The following DNAH17 variants were observed in gnomAD, a reference collection of about 807,000 sequenced individuals.
DNAH17 encodes the protein axonemal beta dynein heavy chain 17.
In DNAH17, 376 loss-of-function variants were observed where a neutral mutation model predicts 485.6. The observed-to-expected ratio is 0.77, with a 90% CI of 0.71 to 0.84. DNAH17 has a LOEUF of 0.84. Ranked by LOEUF, DNAH17 falls within the 40% of genes least tolerant of loss-of-function variation. The pLI, the probability that DNAH17 is intolerant of heterozygous loss-of-function variation, is 0.00. For synonymous variants in DNAH17, 3,031 were observed against 2,405.9 expected, an observed-to-expected ratio of 1.26 and a Z score of -7.60; for missense variants, 6,370 against 5,839.3, an observed-to-expected ratio of 1.09 and a Z score of -2.96.
rs746900484 is a variant in DNAH17, at chr17:78,486,429, A to G, written c.6896T>C (p.Leu2299Pro). 2 of 1,613,648 alleles carry G rather than the reference A, an allele frequency of 1.2e-6. No homozygotes were observed. Among genetic ancestry groups the G allele is most frequent in the Admixed American group, 3.3e-5 (2 of 60,008 alleles). ...GCGCAACTTGTCCAGGCACGTGGGCAGGTACTTGTCAAAGAGGATCATCAG... is the reference window on the plus strand; with the variant it reads ...GCGCAACTTGTCCAGGCACGTGGGCGGGTACTTGTCAAAGAGGATCATCAG... ...ANLMILFDKY[L>P]PTCLDKLRFG... is the part of the protein sequence containing the mutation. Residue 2299 changes from leucine (L) to proline (P), a missense_variant, in exon 45 of 81, where the codon CTG becomes CCG. Transcript: ENST00000389840.
At chr17:78,468,039 AGAG>A (rs2088564172) in intron 55 of DNAH17, among the ~76,000 whole-genome samples, 1 of 143,060 alleles carries the variant, frequency 7.0e-6, no homozygotes, top group South Asian at 2.3e-4. Flanking sequence ...AAAAAGAGAG[AGAG>A]AGAGAGTATC....
chr17:78,507,814 G>A lies in DNAH17; in HGVS notation c.4237-9C>T, dbSNP rs778859606. 6.5e-7 allele frequency: 1 copy of A among 1,539,366 alleles called. No homozygotes were observed. The highest frequency in any genetic ancestry group is 8.7e-7 in the Non-Finnish European group (1 of 1,144,848). On this transcript the variant is annotated splice_polypyrimidine_tract_variant and intron_variant, in intron 27 of 80. Coordinates refer to ENST00000389840, the MANE Select transcript of DNAH17 (RefSeq NM_173628.4). Reference sequence around the variant, plus strand: ...TCCAGGGCTTTCAGCACCTTTTGGGGGAACAGAAAAATAAGGTCACTGAGC... The same window carrying A: ...TCCAGGGCTTTCAGCACCTTTTGGGAGAACAGAAAAATAAGGTCACTGAGC...
In DNAH17 at chr17:78,463,009, C is replaced by A. The variant is rs1483724805; in HGVS notation, c.9009G>T (p.Arg3003Ser). The stretch of plus-strand genomic sequence containing the variant: ...AGCGCCTCTCAGTAGCCAGGTATAC[C>A]CTGGACATCTCGTTGACGGTGGTGT... ...YVHTTVNEMS[R>S]VYLATERRYN... The change falls in exon 57 of 81, where the codon AGG becomes AGT. Residue 3003 changes from arginine (R) to serine (S), a missense_variant. Arg to Ser is a moderately radical substitution (Grantham distance 110). Transcript: ENST00000389840. 1 of 1,613,910 alleles carries A rather than the reference C, an allele frequency of 6.2e-7. No homozygotes were observed. The highest frequency in any genetic ancestry group is 1.6e-4 in the Middle Eastern group (1 of 6,062).
rs1035546120 is a variant in DNAH17 at position 78,566,865 on chromosome 17, C to T, written c.1452+134G>A. On this transcript the variant is annotated intron_variant, in intron 10 of 80. Transcript: ENST00000389840. The stretch of plus-strand genomic sequence containing the variant: ...ATGTGCTGTTGCGGGGACCGCTCTA[C>T]ACAGTTTTCAAAGTGTTGGGATCAC... 2.2e-5 allele frequency: 29 copies of T among 1,330,772 alleles called. 1 individual carries two copies. The highest frequency in any genetic ancestry group is 2.3e-5 in the Non-Finnish European group (22 of 975,220). The allele number at this position is 1,330,772 out of a possible 1,614,324, so 82.4% of individuals were successfully genotyped here.
intron 11 of DNAH17, among the ~76,000 whole-genome samples, chr17:78,564,215 A>G (rs2092220462): frequency 6.6e-6 from 1 of 151,844 alleles, no homozygotes; most frequent in African/African-American, 2.4e-5. Context: ...CCCCTAGTGA[A>G]CCCTGGGGGA....
intron 23 of DNAH17, 55 bp from the exon 24 acceptor site, chr17:78,526,792 G>A: frequency 6.4e-7 from 1 of 1,562,454 alleles, no homozygotes; most frequent in East Asian, 2.3e-5. Flanking sequence ...CCTGCCCCAA[G>A]GGTGGCCCCA....
At chr17:78,476,138 C>T (rs1397800277) in intron 52 of DNAH17, among the ~76,000 whole-genome samples, 2 of 152,176 alleles carry the variant, frequency 1.3e-5, no homozygotes, top group Non-Finnish European at 1.5e-5. Flanking sequence ...CCTTTCTCCA[C>T]CCCAAGTGGA....
rs558103541 is a variant in DNAH17, at chr17:78,521,762, G to A, written c.3864+3247C>T. On this transcript the variant is annotated intron_variant, in intron 25 of 80. Transcript: ENST00000389840. Reference sequence around the variant, plus strand: ...AGCACTTTGGGAGGCCAAGGCGGGCGCATTGCCTGAGCTTAGGAATTAGAG... The same window carrying A: ...AGCACTTTGGGAGGCCAAGGCGGGCACATTGCCTGAGCTTAGGAATTAGAG... Among the ~76,000 whole-genome samples the A allele has an allele frequency of 4.1e-4, 63 of 152,266 alleles. No homozygotes were observed. The East Asian group carries it at 8.3e-3, about 20-fold the overall frequency.
intron 21 of DNAH17, 35 bp from the exon 22 acceptor site, chr17:78,529,729 C>T (rs574362238): frequency 3.7e-6 from 6 of 1,601,152 alleles, no homozygotes; most frequent in Admixed American, 3.4e-5. Context: ...GTGGCCCCAG[C>T]CCCCCTTAGG....
intron 32 of DNAH17, 44 bp downstream of exon 32, chr17:78,502,842 T>C (rs1204798973): frequency 1.9e-6 from 3 of 1,603,582 alleles, no homozygotes; most frequent in Non-Finnish European, 1.7e-6. Context: ...ACTCGCCCCT[T>C]ATCTCAGCCA....
intron 25 of DNAH17, among the ~76,000 whole-genome samples, chr17:78,523,047 G>A (rs1015910982): frequency 6.6e-6 from 1 of 152,052 alleles, no homozygotes; most frequent in Non-Finnish European, 1.5e-5. Flanking sequence ...TAGAAACAGG[G>A]GTCTTGCTAT....
chr17:78,506,650 G>C (rs2090493228), intron 30 of DNAH17, 70 bp downstream of exon 30: 1 of 1,607,302 alleles, frequency 6.2e-7, no homozygotes, highest in Non-Finnish European at 8.5e-7. Flanking sequence ...GGGCGGTTGA[G>C]GTAGAGGTGC....
rs1273228712 is a variant in DNAH17, at chr17:78,485,561, G to A, written c.7472C>T (p.Ala2491Val). 6.2e-7 allele frequency: 1 copy of A among 1,610,136 alleles called. No homozygotes were observed. The highest frequency in any genetic ancestry group is 1.3e-5 in the African/African-American group (1 of 74,810). ...CGGACCAGCCTCACCCTGCAGCATGGCTGAGGTCGTGTAGAAGTTGAAGGG... is the reference window on the plus strand; with the variant it reads ...CGGACCAGCCTCACCCTGCAGCATGACTGAGGTCGTGTAGAAGTTGAAGGG... ...AVPFNFYTTSAMLQGVLEKPL... is the reference protein window; with the variant it reads ...AVPFNFYTTSVMLQGVLEKPL... Residue 2491 changes from alanine (A) to valine (V), a missense_variant, in exon 47 of 81, where the codon GCC becomes GTC. Ala to Val is a moderately conservative substitution (Grantham distance 64). Coordinates refer to ENST00000389840, the MANE Select transcript of DNAH17 (RefSeq NM_173628.4).
Position 78,530,572 on chromosome 17 carries a change from A to C in DNAH17, c.3115-60T>G, listed in dbSNP as rs2091205995. On this transcript the variant is annotated intron_variant, in intron 20 of 80. Coordinates refer to ENST00000389840, the MANE Select transcript of DNAH17 (RefSeq NM_173628.4). ...CTGCAAGCCTAGGGGGGGCGTCAGC[A>C]CAGGGCCTCAGTCCAGGGCCTTCCT... 3 of 1,550,222 alleles carry C rather than the reference A, an allele frequency of 1.9e-6. No homozygotes were observed. In the African/African-American group the frequency reaches 4.1e-5, roughly 21 times the overall value.
intron 49 of DNAH17, among the ~76,000 whole-genome samples, chr17:78,480,031 TTTTTTTTTTTTTTTTTTTA>T (rs1322880195): frequency 1.3e-4 from 13 of 100,696 alleles, no homozygotes; most frequent in East Asian, 1.2e-3. Context: ...TTTTTTTTTT[TTTTTTTTTTTTTTTTTTTA>T]AAAAAAGTAT....
Position 78,558,115 on chromosome 17 carries a change from T to C in DNAH17, c.2171A>G (p.Tyr724Cys). ...VGNLELIVGW[Y>C]NEIKTIVKAV... ...ACCGACTCACCAACTCACCTCATTA[T>C]ACCAGCCAACGATGAGCTCCAGGTT... Residue 724 changes from tyrosine to cysteine, a missense_variant, in exon 14 of 81, where the codon TAT (tyrosine) becomes TGT (cysteine). By Grantham distance (194) the Tyr-to-Cys change is radical (BLOSUM62 -2). Coordinates refer to ENST00000389840, the MANE Select transcript of DNAH17 (RefSeq NM_173628.4). 1 of 1,613,518 alleles carries C rather than the reference T, an allele frequency of 6.2e-7. No homozygotes were observed. Among genetic ancestry groups the C allele is most frequent in the Non-Finnish European group, 8.5e-7 (1 of 1,179,704 alleles).
At chr17:78,527,799 GAC>G (rs1295024573) in intron 22 of DNAH17, among the ~76,000 whole-genome samples, 2 of 152,100 alleles carry the variant, frequency 1.3e-5, no homozygotes, top group African/African-American at 4.8e-5. Context: ...TCATTTTTGA[GAC>G]AGAGTCTCAC....
rs746484560 is a variant in DNAH17 at position 78,569,430 on chromosome 17, T to A, written c.1142A>T (p.Lys381Met). Residue 381 changes from lysine (K) to methionine (M), a missense_variant, in exon 8 of 81, where the codon AAG (lysine) becomes ATG (methionine). Coordinates refer to ENST00000389840, the MANE Select transcript of DNAH17 (RefSeq NM_173628.4). ...GAAGTCGTACGTCTGGTAGAGCTCCTTCAGCACATTTACAGCCAGGGAGAT... is the reference window on the plus strand; with the variant it reads ...GAAGTCGTACGTCTGGTAGAGCTCCATCAGCACATTTACAGCCAGGGAGAT... ...SGISLAVNVL[K>M]ELYQTYDFCC... 6.2e-7 allele frequency: 1 copy of A among 1,612,636 alleles called. No homozygotes were observed. Among genetic ancestry groups the A allele is most frequent in the Non-Finnish European group, 8.5e-7 (1 of 1,179,298 alleles).
At chr17:78,468,167 A>T (rs965330642) in intron 55 of DNAH17, among the ~76,000 whole-genome samples, 2 of 151,874 alleles carry the variant, frequency 1.3e-5, no homozygotes, top group African/African-American at 2.4e-5. Context: ...TGTTAAAAAA[A>T]AATAATAAAA....
Sources: allele counts gnomAD v4.1 joint callset (sites outside exome capture counted in the v4.1 genomes callset), GRCh38; gene constraint gnomAD v4.1.1; transcripts MANE v1.5; gene names NCBI Gene and HGNC (gene_info 2026-07-23, HGNC 2026-07-21).